Variants in ASTN2 observed in about 807,000 individuals in gnomAD.
ASTN2 encodes the protein astrotactin-2.
A neutral mutation model predicts 139.8 loss-of-function variants in ASTN2; 54 were observed. The ratio of observed to expected loss-of-function variants is 0.39; its 90% CI spans 0.31 to 0.48. The LOEUF is 0.48. Ranked by LOEUF, ASTN2 falls within the 20% of genes least tolerant of loss-of-function variation. The pLI is 0.95. For synonymous variants in ASTN2, 756 were observed against 719.5 expected, an observed-to-expected ratio of 1.05 and a Z score of -0.81; for missense variants, 1,565 against 1,725.1, an observed-to-expected ratio of 0.91 and a Z score of 1.64.
chr9:116,631,411 A>G (rs1856738218), intron 17 of ASTN2, among the ~76,000 whole-genome samples: 1 of 152,240 alleles, frequency 6.6e-6, no homozygotes, highest in Non-Finnish European at 1.5e-5. Context: ...TCTGTCATTT[A>G]CAGCCACAGG....
rs543773472 is a variant in ASTN2 at position 116,934,232 on chromosome 9, G to A, written c.1889+40976C>T. 9.9e-5 allele frequency among the ~76,000 whole-genome samples: 15 copies of A among 152,116 alleles called. No homozygotes were observed. In the South Asian group the frequency reaches 1.9e-3, roughly 19 times the overall value. ...TCGATGCCTTGGATCAAAGAAGCCC[G>A]ATTTCTTTTCTCAACAGTCACAGAG... On this transcript the variant is annotated intron_variant, in intron 10 of 22. Coordinates refer to ENST00000313400, the MANE Select transcript of ASTN2 (RefSeq NM_001365068.1).
At chr9:116,954,053 T>A (rs1835639991) in intron 10 of ASTN2, among the ~76,000 whole-genome samples, 1 of 152,190 alleles carries the variant, frequency 6.6e-6, no homozygotes, top group African/African-American at 2.4e-5. Flanking sequence ...GTGTTATTTT[T>A]AAAATAGCAG....
chr9:116,960,910 A>T (rs1243029157), intron 10 of ASTN2, among the ~76,000 whole-genome samples: 1 of 152,146 alleles, frequency 6.6e-6, no homozygotes, highest in Non-Finnish European at 1.5e-5. Context: ...CCAGTGTGTG[A>T]ATCCAGCCAG....
intron 7 of ASTN2, among the ~76,000 whole-genome samples, chr9:116,978,929 A>G (rs1259682475): frequency 6.6e-6 from 1 of 152,202 alleles, no homozygotes; most frequent in Non-Finnish European, 1.5e-5. Flanking sequence ...CTAAAACAAA[A>G]TATTGTAGTA....
At chr9:117,145,903 T>A (rs1830183456) in intron 3 of ASTN2, among the ~76,000 whole-genome samples, 1 of 152,288 alleles carries the variant, frequency 6.6e-6, no homozygotes, top group East Asian at 1.9e-4. Flanking sequence ...TTCTTTCTTC[T>A]AAGCTGATAC....
At chr9:117,249,732 C>G (rs1833485619) in intron 2 of ASTN2, among the ~76,000 whole-genome samples, 1 of 151,274 alleles carries the variant, frequency 6.6e-6, no homozygotes, top group African/African-American at 2.4e-5. Flanking sequence ...AGGCTGAAAT[C>G]CAGATTTAAG....
chr9:116,632,518 C>T (rs1325503453), intron 17 of ASTN2, among the ~76,000 whole-genome samples: 1 of 152,110 alleles, frequency 6.6e-6, no homozygotes, highest in East Asian at 1.9e-4. Flanking sequence ...GCCTGGCACA[C>T]ACAGCCTTTC....
chr9:116,876,119 A>AT (rs1312268567), intron 10 of ASTN2, among the ~76,000 whole-genome samples: 2 of 152,210 alleles, frequency 1.3e-5, no homozygotes, highest in African/African-American at 4.8e-5. Flanking sequence ...CATGAGAAAA[A>AT]TTTCTGATTT....
intron 13 of ASTN2, among the ~76,000 whole-genome samples, chr9:116,803,481 AATATATATATATATATATATATAT>A (rs1168011369): frequency 1.2e-5 from 1 of 80,110 alleles, no homozygotes; most frequent in Non-Finnish European, 2.6e-5. Flanking sequence ...AAGTTCGAAT[AATATATATATATATATATATATAT>A]ATATATATAT....
intron 10 of ASTN2, among the ~76,000 whole-genome samples, chr9:116,963,526 C>T (rs2132506730): frequency 1.3e-5 from 2 of 152,222 alleles, no homozygotes; most frequent in South Asian, 4.1e-4. Flanking sequence ...CCAATTGGTA[C>T]AGCGGTTGGA....
At chr9:117,370,801 C>A (rs1564170873) in intron 1 of ASTN2, among the ~76,000 whole-genome samples, 1 of 152,080 alleles carries the variant, frequency 6.6e-6, no homozygotes, top group Admixed American at 6.6e-5. Flanking sequence ...GCCTCACACT[C>A]CTGAGATCAA....
intron 6 of ASTN2, among the ~76,000 whole-genome samples, chr9:117,014,036 C>G (rs1484503300): frequency 6.6e-6 from 1 of 152,232 alleles, no homozygotes; most frequent in South Asian, 2.1e-4. Flanking sequence ...TTTATTTTCC[C>G]TCTTTCTTTG....
At chr9:117,015,750 A>G (rs1037419430) in intron 6 of ASTN2, among the ~76,000 whole-genome samples, 2 of 152,170 alleles carry the variant, frequency 1.3e-5, no homozygotes, top group Admixed American at 1.3e-4. Context: ...TCTTTCTGTT[A>G]ATTTTACATG....
At chr9:116,633,943 G>T (rs1856932118) in intron 17 of ASTN2, among the ~76,000 whole-genome samples, 1 of 152,144 alleles carries the variant, frequency 6.6e-6, no homozygotes, top group Non-Finnish European at 1.5e-5. Flanking sequence ...ATGGCAAGTG[G>T]ATTCTGAAAA....
chr9:116,486,352 T>C (rs191659416), intron 20 of ASTN2, among the ~76,000 whole-genome samples: 2 of 152,278 alleles, frequency 1.3e-5, no homozygotes, highest in Non-Finnish European at 2.9e-5. Context: ...AATTGATGAA[T>C]GAATAAATTA....
chr9:117,289,335 C>T (rs1250022278), intron 2 of ASTN2, among the ~76,000 whole-genome samples: 2 of 152,116 alleles, frequency 1.3e-5, no homozygotes, highest in Non-Finnish European at 2.9e-5. Flanking sequence ...AAATCTGGAA[C>T]TACAGGGAAT....
intron 2 of ASTN2, among the ~76,000 whole-genome samples, chr9:117,262,434 C>T (rs1833847935): frequency 6.8e-6 from 1 of 148,146 alleles, no homozygotes; most frequent in Non-Finnish European, 1.5e-5. Flanking sequence ...ATCTCCTTAG[C>T]ATCCTTTCCC....
intron 19 of ASTN2, among the ~76,000 whole-genome samples, chr9:116,539,498 T>C (rs1851790982): frequency 6.6e-6 from 1 of 152,184 alleles, no homozygotes; most frequent in Non-Finnish European, 1.5e-5. Flanking sequence ...AGGCAGACAC[T>C]GAATGCAAAG....
chr9:117,026,040 C>T (rs1323432207), intron 6 of ASTN2, among the ~76,000 whole-genome samples: 1 of 152,088 alleles, frequency 6.6e-6, no homozygotes. Flanking sequence ...GTTGGGATTA[C>T]AGGCATGAGC....
Sources: gnomAD v4.1 joint callset for allele counts (sites outside exome capture counted in the v4.1 genomes callset) on GRCh38, gnomAD v4.1.1 for gene constraint, MANE v1.5 for transcripts, NCBI Gene and HGNC (gene_info 2026-07-23, HGNC 2026-07-21) for gene names.